GPR75: variants seen among roughly 807,000 people sequenced by gnomAD.
The protein encoded by GPR75 is probable G protein-coupled receptor 75.
A neutral mutation model predicts 26.0 loss-of-function variants in GPR75; 27 were observed. That is an observed-to-expected ratio of 1.04 (90% CI 0.77 to 1.43). The LOEUF (loss-of-function observed/expected upper bound fraction) is 1.43, where lower values mean the gene tolerates loss of function less well. GPR75 is among the 40% of genes most tolerant of loss of function. GPR75 has a pLI of 0.00. For synonymous variants in GPR75, 285 were observed against 256.3 expected (o/e 1.11, Z -1.07); for missense variants, 699 against 662.3 (o/e 1.06, Z -0.61).
At position 53,853,361 on chromosome 2, in the gene GPR75, G is replaced by A. The variant is rs139520928; in HGVS notation, c.1396C>T (p.His466Tyr). The part of the protein sequence containing the change: ...VSPKISAGHQ[H>Y]CGQSSSTPIN... ...GGGGTCGAGCTGCTCTGACCACAGT[G>A]TTGATGTCCAGCAGAGATCTTGGGA... is the stretch of plus-strand genomic sequence containing the variant. The change falls in exon 2 of 2, where the codon CAC becomes TAC. Residue 466 changes from histidine (H) to tyrosine (Y), a missense_variant. Coordinates refer to ENST00000394705, the MANE Select transcript of GPR75 (RefSeq NM_006794.4). The A allele has an allele frequency of 1.2e-6, 2 of 1,613,926 alleles. No homozygotes were observed. The highest frequency in any genetic ancestry group is 1.7e-6 in the Non-Finnish European group (2 of 1,179,800).
Position 53,853,173 on chromosome 2 carries a change from G to T in GPR75, c.1584C>A (p.Asp528Glu). The change falls in exon 2 of 2, where the codon GAC becomes GAA. Residue 528 changes from aspartate to glutamate, a missense_variant. Physicochemically the swap from Asp to Glu is conservative, Grantham distance 45. Transcript: ENST00000394705. ...CTGGAATCTGCTTGGCTGAAGTGCT[G>T]TCATATTCCTGCACTAAGTCATTAG... ...HTTNDLVQEY[D>E]STSAKQIPVP... 1 of 1,613,888 alleles carries T rather than the reference G, an allele frequency of 6.2e-7. No homozygotes were observed. Among genetic ancestry groups the T allele is most frequent in the Non-Finnish European group, 8.5e-7 (1 of 1,179,766 alleles).
chr2:53,852,923 A>T lies in GPR75; in HGVS notation c.*211T>A, dbSNP rs1678125348. On this transcript the variant is annotated 3_prime_UTR_variant, in exon 2 of 2. Transcript: ENST00000394705. ...GACTGAGGCAAAGAGCAGGGTAAAA[A>T]ATCTAAAACTTTCACATCAAATCTT... 1.9e-6 allele frequency: 1 copy of T among 527,428 alleles called. No individual in the cohort carries two copies. Among genetic ancestry groups the T allele is most frequent in the Non-Finnish European group, 3.3e-6 (1 of 299,798 alleles). The allele number at this position is 527,428 out of a possible 1,614,324, so 32.7% of individuals were successfully genotyped here. A position where few individuals can be genotyped will look rare whatever the true frequency, so the allele number is the denominator to read the frequency against.
At chr2:53,855,259 GAC>G (rs967554334) in intron 1 of GPR75, among the ~76,000 whole-genome samples, 1 of 152,086 alleles carries the variant, frequency 6.6e-6, no homozygotes, top group African/African-American at 2.4e-5. Flanking sequence ...TTAGTTTTAT[GAC>G]ACAGAGGTTT....
chr2:53,859,706 A>G (rs1678327020), intron 1 of GPR75, 122 bp downstream of exon 1: 1 of 679,720 alleles, frequency 1.5e-6, no homozygotes, highest in East Asian at 3.3e-5. Flanking sequence ...CGCACCAGGA[A>G]GACAGGTACG....
At chr2:53,859,773 G>A (rs6750258) in intron 1 of GPR75, 55 bp downstream of exon 1, 64 of 1,375,072 alleles carry the variant, frequency 4.7e-5, no homozygotes, top group Non-Finnish European at 5.7e-5. Flanking sequence ...CAGCCTCCGG[G>A]AGCCGTCTCC....
Position 53,853,512 on chromosome 2 carries a change from G to A in GPR75, c.1245C>T (p.Leu415=), listed in dbSNP as rs745472093. The stretch of plus-strand genomic sequence containing the variant: ...GGGAGGATTTGTTTCTGTTGACTTC[G>A]AGGTTCCCTTTTCCCATGGCTCGAA... The part of the protein sequence containing the change: ...TRLRAMGKGN[L]EVNRNKSSHH... The change falls in exon 2 of 2, where the codon CTC becomes CTT. Residue 415 remains leucine, a synonymous_variant. Transcript: ENST00000394705. 11 of 1,614,086 alleles carry A rather than the reference G, an allele frequency of 6.8e-6. No homozygotes were observed. Among genetic ancestry groups the A allele is most frequent in the East Asian group, 6.7e-5 (3 of 44,882 alleles).
chr2:53,858,431 AC>A (rs1678289379), intron 1 of GPR75, among the ~76,000 whole-genome samples: 1 of 151,708 alleles, frequency 6.6e-6, no homozygotes, highest in Non-Finnish European at 1.5e-5. Flanking sequence ...ACACACACAC[AC>A]ACACACACAC....
At chr2:53,858,402 G>GACACACAC (rs61090357) in intron 1 of GPR75, among the ~76,000 whole-genome samples, 9,513 of 145,022 alleles carry the variant, frequency 0.066, 369 homozygotes, top group Non-Finnish European at 0.092. Flanking sequence ...GATACAGATA[G>GACACACAC]ACACACACAC....
rs1245269195 is a variant in GPR75, at chr2:53,854,290, G to A, written c.467C>T (p.Ala156Val). The A allele has an allele frequency of 2.5e-6, 4 of 1,614,064 alleles. No individual in the cohort carries two copies. In the Admixed American group the frequency reaches 5.0e-5, roughly 20 times the overall value. The part of the protein sequence containing the change: ...MVLGKQPNRT[A>V]SFPCTVLLTL... The stretch of plus-strand genomic sequence containing the variant: ...GAGGAGTACGGTGCAGGGAAAGGAG[G>A]CCGTGCGATTAGGCTGTTTCCCCAA... Residue 156 changes from alanine (A) to valine (V), a missense_variant, in exon 2 of 2, where the codon GCC becomes GTC. By Grantham distance (64) the Ala-to-Val change is moderately conservative (BLOSUM62 0). Coordinates refer to ENST00000394705, the MANE Select transcript of GPR75 (RefSeq NM_006794.4).
At position 53,853,962 on chromosome 2, in the gene GPR75, C is replaced by T. The variant is rs370759731; in HGVS notation, c.795G>A (p.Gln265=). The part of the protein sequence containing the change: ...VPVQGGGDPI[Q]CAMPALYRNQ... ...TCCTATACAGAGCCGGCATGGCACA[C>T]TGGATGGGATCTCCACCTCCCTGCA... The change falls in exon 2 of 2, where the codon CAG becomes CAA. Residue 265 remains glutamine, a synonymous_variant. Transcript: ENST00000394705. 40 of 1,614,126 alleles carry T rather than the reference C, an allele frequency of 2.5e-5. No individual in the cohort carries two copies. The highest frequency in any genetic ancestry group is 3.4e-5 in the Non-Finnish European group (40 of 1,180,024).
In GPR75 at chr2:53,859,712, G is replaced by C. The variant is rs1678327187; in HGVS notation, c.-110+116C>G. 7.0e-6 allele frequency: 5 copies of C among 709,440 alleles called. No homozygotes were observed. In the South Asian group the frequency reaches 9.8e-5, roughly 14 times the overall value. The allele number at this position is 709,440 out of a possible 1,614,324, so 43.9% of individuals were successfully genotyped here. Reference sequence around the variant, plus strand: ...CCTGCAGGCCGCACCAGGAAGACAGGTACGCGGAGCCGGGCCTGGCCCAGC... The same window carrying C: ...CCTGCAGGCCGCACCAGGAAGACAGCTACGCGGAGCCGGGCCTGGCCCAGC... On this transcript the variant is annotated intron_variant, in intron 1 of 1. Coordinates refer to ENST00000394705, the MANE Select transcript of GPR75 (RefSeq NM_006794.4).
chr2:53,857,590 T>C (rs1397189721), intron 1 of GPR75, among the ~76,000 whole-genome samples: 1 of 151,882 alleles, frequency 6.6e-6, no homozygotes, highest in African/African-American at 2.4e-5. Flanking sequence ...CTAAGAGATA[T>C]TTGGAAAAAG....
rs2104391362 is a variant in GPR75, at chr2:53,853,056, C to T, written c.*78G>A. On this transcript the variant is annotated 3_prime_UTR_variant, in exon 2 of 2. Transcript: ENST00000394705. Reference sequence around the variant, plus strand: ...GAATCTTGTAGGTTTTGATCCGCCACTGATCTCAAGTTAGAATAAAGTCCA... The same window carrying T: ...GAATCTTGTAGGTTTTGATCCGCCATTGATCTCAAGTTAGAATAAAGTCCA... 1 of 1,081,058 alleles carries T rather than the reference C, an allele frequency of 9.3e-7. No homozygotes were observed. The highest frequency in any genetic ancestry group is 1.6e-5 in the South Asian group (1 of 63,578). The allele number at this position is 1,081,058 out of a possible 1,614,324, so 67.0% of individuals were successfully genotyped here. A position where few individuals can be genotyped will look rare whatever the true frequency, so the allele number is the denominator to read the frequency against.
Position 53,852,934 on chromosome 2 carries a change from T to A in GPR75, c.*200A>T. ...AGAGCAGGGTAAAAAATCTAAAACTTTCACATCAAATCTTAAGATGTCAAC... is the reference window on the plus strand; with the variant it reads ...AGAGCAGGGTAAAAAATCTAAAACTATCACATCAAATCTTAAGATGTCAAC... On this transcript the variant is annotated 3_prime_UTR_variant, in exon 2 of 2. Coordinates refer to ENST00000394705, the MANE Select transcript of GPR75 (RefSeq NM_006794.4). 1 of 536,226 alleles carries A rather than the reference T, an allele frequency of 1.9e-6. No homozygotes were observed. The highest frequency in any genetic ancestry group is 3.3e-6 in the Non-Finnish European group (1 of 305,540). 33.2% of individuals were successfully genotyped at this position (536,226 alleles called of 1,614,324 possible).
intron 1 of GPR75, 35 bp from the exon 2 acceptor site, chr2:53,854,900 G>A: frequency 1.6e-6 from 1 of 629,934 alleles, no homozygotes; most frequent in Middle Eastern, 4.2e-4. Flanking sequence ...AAACAGAAAG[G>A]GATTAATGTA....
chr2:53,854,360 G>A lies in GPR75; in HGVS notation c.397C>T (p.Leu133=). The A allele has an allele frequency of 6.2e-7, 1 of 1,614,142 alleles. No homozygotes were observed. The highest frequency in any genetic ancestry group is 1.1e-5 in the South Asian group (1 of 91,080). ...AGGGCGATCACTGCCACTGTCTTCA[G>A]AGACATGATGATGAAGCCTGAACTG... ...LTSSGFIIMS[L]KTVAVIALHR... The change falls in exon 2 of 2, where the codon CTG becomes TTG. Residue 133 remains leucine (L), a synonymous_variant. Coordinates refer to ENST00000394705, the MANE Select transcript of GPR75 (RefSeq NM_006794.4).
In GPR75 at chr2:53,859,930, G is replaced by C; in HGVS notation, c.-212C>G. 1 of 1,502,064 alleles carries C rather than the reference G, an allele frequency of 6.7e-7. No individual in the cohort carries two copies. Among genetic ancestry groups the C allele is most frequent in the Non-Finnish European group, 8.8e-7 (1 of 1,130,702 alleles). 93.0% of individuals were successfully genotyped at this position (1,502,064 alleles called of 1,614,324 possible). A position where few individuals can be genotyped will look rare whatever the true frequency, so the allele number is the denominator to read the frequency against. On this transcript the variant is annotated 5_prime_UTR_variant, in exon 1 of 2. Coordinates refer to ENST00000394705, the MANE Select transcript of GPR75 (RefSeq NM_006794.4). ...CAGGACTAGAGGCATCATCGCCATCGCCACCGCCTCCGCGCATCCCGGGAG... is the reference window on the plus strand; with the variant it reads ...CAGGACTAGAGGCATCATCGCCATCCCCACCGCCTCCGCGCATCCCGGGAG...
chr2:53,854,336 G>C lies in GPR75; in HGVS notation c.421C>G (p.Leu141Val). The C allele has an allele frequency of 6.2e-7, 1 of 1,614,124 alleles. No homozygotes were observed. The highest frequency in any genetic ancestry group is 8.5e-7 in the Non-Finnish European group (1 of 1,180,016). The part of the protein sequence containing the change: ...MSLKTVAVIA[L>V]HRLRMVLGKQ... The stretch of plus-strand genomic sequence containing the variant: ...CCCAACACCATCCGGAGCCGGTGCA[G>C]GGCGATCACTGCCACTGTCTTCAGA... Residue 141 changes from leucine (L) to valine (V), a missense_variant, in exon 2 of 2, where the codon CTG (leucine) becomes GTG (valine). Transcript: ENST00000394705.
At chr2:53,855,775 C>T (rs757944606) in intron 1 of GPR75, among the ~76,000 whole-genome samples, 14 of 152,172 alleles carry the variant, frequency 9.2e-5, no homozygotes, top group Non-Finnish European at 1.8e-4. Context: ...AAATCATTAA[C>T]AAACCCTGTT....
Sources: allele counts gnomAD v4.1 joint callset (sites outside exome capture counted in the v4.1 genomes callset), GRCh38; gene constraint gnomAD v4.1.1; transcripts MANE v1.5; gene names NCBI Gene and HGNC (gene_info 2026-07-23, HGNC 2026-07-21).